Variants in OCA2 observed in about 807,000 individuals in gnomAD.
OCA2 encodes P protein.
Under a neutral mutation model 100.2 loss-of-function variants are expected in OCA2, and 77 were observed. The observed-to-expected ratio is 0.77, with a 90% confidence interval of 0.64 to 0.93. OCA2 has a LOEUF of 0.93. OCA2 is among the 40% of genes least tolerant of loss of function. The probability of loss-of-function intolerance (pLI) is 0.00; values close to 1 mark genes in which losing one functional copy is unlikely to be tolerated. For synonymous variants in OCA2, 432 were observed against 439.2 expected, an observed-to-expected ratio of 0.98 and a Z score of 0.21; for missense variants, 1,062 against 1,089.1, an observed-to-expected ratio of 0.98 and a Z score of 0.35.
chr15:28,026,127 T>C (rs2042740306), intron 4 of OCA2, among the ~76,000 whole-genome samples: 1 of 152,256 alleles, frequency 6.6e-6, no homozygotes, highest in Non-Finnish European at 1.5e-5. Context: ...AAAAGGTTTT[T>C]TACAAGATTC....
chr15:28,002,372 T>G (rs2041954941), intron 9 of OCA2, among the ~76,000 whole-genome samples: 1 of 152,128 alleles, frequency 6.6e-6, no homozygotes, highest in South Asian at 2.1e-4. Flanking sequence ...CAGGGCCTGC[T>G]CCGCCTGCTT....
the OCA2 span, among the ~76,000 whole-genome samples, chr15:27,730,274 G>T: frequency 1.3e-5 from 2 of 152,158 alleles, no homozygotes; most frequent in Non-Finnish European, 2.9e-5. Context: ...TGGAAGGGAT[G>T]CATAGTGTAA....
intron 15 of OCA2, among the ~76,000 whole-genome samples, chr15:27,964,117 C>T (rs916187959): frequency 7.2e-5 from 11 of 152,146 alleles, no homozygotes; most frequent in African/African-American, 2.7e-4. Context: ...TAGTTAAAAA[C>T]CTTTCCACAA....
intron 19 of OCA2, among the ~76,000 whole-genome samples, chr15:27,873,929 T>C (rs185948573): frequency 3.9e-4 from 59 of 152,366 alleles, no homozygotes; most frequent in African/African-American, 1.4e-3. Context: ...TTGAAGATTA[T>C]ACATATTACT....
chr15:28,053,629 G>A (rs72712667), intron 2 of OCA2, among the ~76,000 whole-genome samples: 14,024 of 152,166 alleles, frequency 0.092, 831 homozygotes, highest in African/African-American at 0.16. Context: ...GAGGCCCCTG[G>A]AGTCCAGACA....
intron 21 of OCA2, among the ~76,000 whole-genome samples, chr15:27,853,144 T>G (rs1422916100): frequency 1.8e-5 from 2 of 112,672 alleles, no homozygotes; most frequent in East Asian, 2.6e-4. Flanking sequence ...TGCGGCACTA[T>G]TCACAATAGC....
intron 19 of OCA2, among the ~76,000 whole-genome samples, chr15:27,901,079 G>C (rs2037909439): frequency 6.6e-6 from 1 of 152,216 alleles, no homozygotes; most frequent in African/African-American, 2.4e-5. Flanking sequence ...AATAGGAAGA[G>C]CATTGGGATA....
At chr15:27,966,928 G>A in intron 14 of OCA2, 106 bp from the exon 15 acceptor site, 2 of 1,238,910 alleles carry the variant, frequency 1.6e-6, no homozygotes, top group Non-Finnish European at 2.3e-6. Flanking sequence ...CGGAGATGGA[G>A]ACCATCCTGG....
intron 12 of OCA2, 143 bp from the exon 13 acceptor site, chr15:27,985,331 G>A (rs926375860): frequency 2.1e-6 from 2 of 973,606 alleles, no homozygotes; most frequent in Admixed American, 2.0e-5. Context: ...GGAGTCCTAG[G>A]GGGGCCGAGA....
intron 14 of OCA2, among the ~76,000 whole-genome samples, chr15:27,972,466 G>A (rs2040822865): frequency 6.6e-6 from 1 of 152,218 alleles, no homozygotes; most frequent in Non-Finnish European, 1.5e-5. Flanking sequence ...ATTCAAACCA[G>A]CAGTGTATAA....
At chr15:28,075,395 T>C (rs1268614279) in intron 2 of OCA2, among the ~76,000 whole-genome samples, 1 of 152,176 alleles carries the variant, frequency 6.6e-6, no homozygotes, top group Admixed American at 6.5e-5. Context: ...CTTATTAAAA[T>C]GGCTAAAATT....
the OCA2 span, among the ~76,000 whole-genome samples, chr15:27,720,391 A>AT: frequency 4.7e-5 from 7 of 149,806 alleles, no homozygotes; most frequent in African/African-American, 1.7e-4. Context: ...ATATATGTTT[A>AT]TATATTATGT....
intron 2 of OCA2, among the ~76,000 whole-genome samples, chr15:28,034,182 C>G (rs1477181328): frequency 6.6e-6 from 1 of 151,990 alleles, no homozygotes. Context: ...GTCCTAACTA[C>G]TTGGAAGACT....
intron 19 of OCA2, among the ~76,000 whole-genome samples, chr15:27,872,334 T>C (rs762900109): frequency 6.6e-6 from 1 of 152,278 alleles, no homozygotes; most frequent in Non-Finnish European, 1.5e-5. Context: ...ACATTTTTAA[T>C]GCAGTTTTTG....
intron 19 of OCA2, among the ~76,000 whole-genome samples, chr15:27,901,638 A>G (rs1222633389): frequency 6.6e-6 from 1 of 152,246 alleles, no homozygotes; most frequent in Non-Finnish European, 1.5e-5. Flanking sequence ...ATGCTCAAAG[A>G]TGTTCCTTAC....
At chr15:28,015,415 C>T (rs532515770) in intron 8 of OCA2, among the ~76,000 whole-genome samples, 1 of 152,296 alleles carries the variant, frequency 6.6e-6, no homozygotes, top group African/African-American at 2.4e-5. Flanking sequence ...ATGTCCCCTT[C>T]CTCCAAAAAC....
In OCA2 at chr15:27,986,590, T is replaced by C. The variant is rs2041359251; in HGVS notation, c.1236A>G (p.Val412=). The C allele has an allele frequency of 6.3e-7, 1 of 1,575,386 alleles. No homozygotes were observed. The highest frequency in any genetic ancestry group is 8.7e-7 in the Non-Finnish European group (1 of 1,144,322). The part of the protein sequence containing the change: ...SETGFFDYCA[V]KAYRLSRGRV... ...TTAAATGCAACATCATACCTACCTT[T>C]ACAGCACAATAATCGAAAAATCCCG... is the stretch of plus-strand genomic sequence containing the variant. The change falls in exon 12 of 24, where the codon GTA becomes GTG. Residue 412 remains valine (V), a synonymous_variant. Coordinates refer to ENST00000354638, the MANE Select transcript of OCA2 (RefSeq NM_000275.3).
At chr15:27,812,458 G>T (rs1255508224) in intron 23 of OCA2, among the ~76,000 whole-genome samples, 1 of 151,848 alleles carries the variant, frequency 6.6e-6, no homozygotes, top group Non-Finnish European at 1.5e-5. Context: ...GTTTCTCCAG[G>T]GAAAAAGTTC....
At chr15:27,871,989 A>G in intron 19 of OCA2, 67 bp from the exon 20 acceptor site, 1 of 1,234,560 alleles carries the variant, frequency 8.1e-7, no homozygotes, top group Non-Finnish European at 1.2e-6. Flanking sequence ...TTAAAAAAAA[A>G]GTCTTGAAAA....
Sources: allele counts gnomAD v4.1 joint callset (sites outside exome capture counted in the v4.1 genomes callset), GRCh38; gene constraint gnomAD v4.1.1; transcripts MANE v1.5; gene names NCBI Gene and HGNC (gene_info 2026-07-23, HGNC 2026-07-21).